Variants in CISD1 observed in about 807,000 individuals in gnomAD.
The protein encoded by CISD1 is CDGSH iron sulfur domain 1, also known as CDGSH iron-sulfur domain-containing protein 1.
CISD1 carries 8 observed loss-of-function variants against 12.0 expected under a neutral mutation model. The observed-to-expected ratio is 0.67, with a 90% CI of 0.39 to 1.20. The LOEUF is 1.20. CISD1 is among the 50% of genes most tolerant of loss of function. The pLI, the probability that CISD1 is intolerant of heterozygous loss-of-function variation, is 0.01. For missense variants in CISD1, 107 were observed against 132.7 expected (o/e 0.81, Z 0.95); for synonymous variants, 38 against 42.2 (o/e 0.90, Z 0.39).
At chr10:58,287,315 A>G (rs1181054369) in intron 2 of CISD1, among the ~76,000 whole-genome samples, 1 of 152,160 alleles carries the variant, frequency 6.6e-6, no homozygotes, top group Non-Finnish European at 1.5e-5. Flanking sequence ...ATATAAACAT[A>G]AGAAAGGCCT....
At chr10:58,284,964 T>C (rs1243131781) in intron 2 of CISD1, among the ~76,000 whole-genome samples, 2 of 152,196 alleles carry the variant, frequency 1.3e-5, no homozygotes, top group East Asian at 3.8e-4. Context: ...TCATCTGTGT[T>C]TGTTTATTAA....
intron 1 of CISD1, among the ~76,000 whole-genome samples, chr10:58,270,055 T>C (rs113641895): frequency 0.022 from 3,318 of 152,346 alleles, 130 homozygotes; most frequent in African/African-American, 0.076. Flanking sequence ...ATTGTTAATA[T>C]AATACTGTGT....
intron 1 of CISD1, chr10:58,273,313 GA>G (rs111427239): frequency 3.8e-4 from 56 of 146,002 alleles, no homozygotes; most frequent in East Asian, 7.9e-4. Context: ...CAGGCCTTGA[GA>G]AAAAAAAAAA....
chr10:58,285,980 C>T (rs949772346), intron 2 of CISD1, among the ~76,000 whole-genome samples: 3 of 152,032 alleles, frequency 2.0e-5, no homozygotes, highest in South Asian at 2.1e-4. Context: ...CCGAGGCAGG[C>T]GGATCACGAG....
chr10:58,269,404 G>A lies in CISD1; in HGVS notation c.31+100G>A, dbSNP rs74675316. The A allele has an allele frequency of 1.3e-3, 1,481 of 1,105,728 alleles. 20 individuals carry two copies. The African/African-American group carries it at 0.02, about 15-fold the overall frequency. The allele number at this position is 1,105,728 out of a possible 1,614,324, so 68.5% of individuals were successfully genotyped here. On this transcript the variant is annotated intron_variant, in intron 1 of 2. Transcript: ENST00000333926. ...TTTACCACTGCCCTACGCGCCCGCC[G>A]GTCCTATAACCTTGAGATGCAGAAG...
At chr10:58,277,427 T>G in intron 2 of CISD1, 105 bp downstream of exon 2, 2 of 816,570 alleles carry the variant, frequency 2.4e-6, no homozygotes, top group Non-Finnish European at 3.7e-6. Flanking sequence ...TATCCCTTTT[T>G]TGTTGTTGTT....
chr10:58,271,043 A>ATTTTTTTTTTTTTTT (rs775206917), intron 1 of CISD1, among the ~76,000 whole-genome samples: 18 of 128,756 alleles, frequency 1.4e-4, no homozygotes, highest in African/African-American at 2.3e-4. Flanking sequence ...TGCCATGACT[A>ATTTTTTTTTTTTTTT]TTTTTTTTTT....
chr10:58,272,835 C>T (rs1839264471), intron 1 of CISD1, among the ~76,000 whole-genome samples: 4 of 152,156 alleles, frequency 2.6e-5, no homozygotes, highest in Admixed American at 2.0e-4. Flanking sequence ...ACGAGAATTG[C>T]TTGAACCCAG....
chr10:58,276,769 G>A (rs1839319626), intron 1 of CISD1, among the ~76,000 whole-genome samples: 1 of 147,644 alleles, frequency 6.8e-6, no homozygotes, highest in African/African-American at 2.5e-5. Flanking sequence ...TTAAGCAATA[G>A]TTACCTGCAA....
At chr10:58,285,687 A>T (rs920254514) in intron 2 of CISD1, among the ~76,000 whole-genome samples, 1 of 152,230 alleles carries the variant, frequency 6.6e-6, no homozygotes, top group Non-Finnish European at 1.5e-5. Flanking sequence ...AATATTATTA[A>T]ATTCTTATTT....
intron 1 of CISD1, 67 bp from the exon 2 acceptor site, chr10:58,277,050 C>A: frequency 8.8e-7 from 1 of 1,130,048 alleles, no homozygotes; most frequent in Non-Finnish European, 1.3e-6. Flanking sequence ...GATTTTCTGA[C>A]ATGCATGTGA....
chr10:58,276,615 TTG>T (rs1339684919), intron 1 of CISD1, among the ~76,000 whole-genome samples: 1 of 151,826 alleles, frequency 6.6e-6, no homozygotes, highest in Non-Finnish European at 1.5e-5. Context: ...TCTGTGATAG[TTG>T]CAATTGAGTT....
rs563706933 is a variant in CISD1, at chr10:58,287,523, GAGATT to G, written c.238-33_238-29del. 8.2e-5 allele frequency: 119 copies of G among 1,447,464 alleles called. No homozygotes were observed. In the African/African-American group the frequency reaches 1.2e-3, roughly 14 times the overall value. The allele number at this position is 1,447,464 out of a possible 1,614,324, so 89.7% of individuals were successfully genotyped here. A position where few individuals can be genotyped will look rare whatever the true frequency, so the allele number is the denominator to read the frequency against. ...CTCTGCCGAGCATAATACTGATTTT[GAGATT>G]AGATGTTTCACATTCATTCTTTCTC... On this transcript the variant is annotated intron_variant, in intron 2 of 2. Coordinates refer to ENST00000333926, the MANE Select transcript of CISD1 (RefSeq NM_018464.5).
intron 2 of CISD1, among the ~76,000 whole-genome samples, chr10:58,286,865 G>GA (rs1473401145): frequency 1.3e-5 from 2 of 152,256 alleles, no homozygotes; most frequent in Admixed American, 1.3e-4. Context: ...TTGAGAATAT[G>GA]AAAAAATAAG....
At chr10:58,278,837 G>A (rs992253577) in intron 2 of CISD1, among the ~76,000 whole-genome samples, 2 of 152,104 alleles carry the variant, frequency 1.3e-5, no homozygotes, top group African/African-American at 2.4e-5. Flanking sequence ...ACAGTTCACC[G>A]GTTGAAGTCA....
In CISD1 at chr10:58,270,359, T is replaced by A. The variant is rs376969503; in HGVS notation, c.31+1055T>A. Among the ~76,000 whole-genome samples the A allele has an allele frequency of 1.4e-4, 22 of 152,366 alleles. No individual in the cohort carries two copies. The East Asian group carries it at 3.9e-3, about 27-fold the overall frequency. ...ATATAGAGATTATTATTTGCAAAAATTATATTAAAGGATACTCATCTTGAG... is the reference window on the plus strand; with the variant it reads ...ATATAGAGATTATTATTTGCAAAAAATATATTAAAGGATACTCATCTTGAG... On this transcript the variant is annotated intron_variant, in intron 1 of 2. Transcript: ENST00000333926.
intron 2 of CISD1, among the ~76,000 whole-genome samples, chr10:58,279,955 G>C (rs1470623317): frequency 6.6e-6 from 1 of 152,148 alleles, no homozygotes; most frequent in Non-Finnish European, 1.5e-5. Context: ...AACATGGTGA[G>C]ACCCAGTCTC....
chr10:58,270,224 G>A (rs771055636), intron 1 of CISD1, among the ~76,000 whole-genome samples: 31 of 152,230 alleles, frequency 2.0e-4, no homozygotes, highest in Non-Finnish European at 3.8e-4. Context: ...CTACTAACTT[G>A]AGCCCTAATT....
intron 1 of CISD1, among the ~76,000 whole-genome samples, 157 bp downstream of exon 1, chr10:58,269,461 G>A (rs1839215709): frequency 6.6e-6 from 1 of 152,230 alleles, no homozygotes; most frequent in African/African-American, 2.4e-5. Context: ...CGGGCTCCGG[G>A]CCGGACAGCG....
Sources: allele counts gnomAD v4.1 joint callset (sites outside exome capture counted in the v4.1 genomes callset), GRCh38; gene constraint gnomAD v4.1.1; transcripts MANE v1.5; gene names NCBI Gene and HGNC (gene_info 2026-07-23, HGNC 2026-07-21).